RBX1: variants seen among roughly 807,000 people sequenced by gnomAD.
RBX1 encodes ring-box 1, also known as E3 ubiquitin-protein ligase RBX1.
For missense variants in RBX1, 46 were observed against 141.4 expected (o/e 0.33, Z 3.42); for synonymous variants, 48 against 47.9 (o/e 1.00, Z -0.01).
chr22:40,971,842 C>G (rs1267845733), intron 4 of RBX1, among the ~76,000 whole-genome samples: 1 of 152,098 alleles, frequency 6.6e-6, no homozygotes, highest in East Asian at 1.9e-4. Context: ...CAGGAGTGAG[C>G]CACTGCACCC....
At chr22:40,967,742 G>A (rs888076003) in intron 3 of RBX1, 57 bp from the exon 4 acceptor site, 15 of 1,446,336 alleles carry the variant, frequency 1.0e-5, no homozygotes, top group Middle Eastern at 3.6e-4. Context: ...ACCTGTTGTC[G>A]CTCGATGGCT....
chr22:40,957,512 C>T (rs2058328910), intron 2 of RBX1, among the ~76,000 whole-genome samples: 1 of 152,050 alleles, frequency 6.6e-6, no homozygotes, highest in Non-Finnish European at 1.5e-5. Context: ...GTGGCTTATG[C>T]CTGTGGTCCC....
chr22:40,954,046 CA>C (rs1328392777), intron 2 of RBX1, among the ~76,000 whole-genome samples: 1 of 152,076 alleles, frequency 6.6e-6, no homozygotes, highest in Non-Finnish European at 1.5e-5. Flanking sequence ...CCAAGGCGGG[CA>C]GATCATTTGA....
At position 40,959,509 on chromosome 22, in the gene RBX1, T is replaced by C. The variant is rs568154293; in HGVS notation, c.158-4538T>C. Reference sequence around the variant, plus strand: ...ACATTTTTGTTCTTTGTTAGGAATTTTGTAGTAAAGAATGAATCTGGCCGG... The same window carrying C: ...ACATTTTTGTTCTTTGTTAGGAATTCTGTAGTAAAGAATGAATCTGGCCGG... On this transcript the variant is annotated intron_variant, in intron 2 of 4. Transcript: ENST00000216225. Among the ~76,000 whole-genome samples the C allele has an allele frequency of 2.6e-5, 4 of 152,342 alleles. No individual in the cohort carries two copies. In the East Asian group the frequency reaches 7.7e-4, roughly 29 times the overall value.
chr22:40,964,382 G>A (rs904555347), intron 3 of RBX1: 1 of 335,214 alleles, frequency 3.0e-6, no homozygotes, highest in Admixed American at 4.4e-5. Flanking sequence ...TTCATCTATG[G>A]GAATTGCCTT....
rs1375523518 is a variant in RBX1, at chr22:40,951,389, T to C, written c.-10T>C. On this transcript the variant is annotated 5_prime_UTR_variant, in exon 1 of 5. Transcript: ENST00000216225. ...CGCGGTGGTCGGACGACAGACCGTG[T>C]GTTTCCAAAATGGCGGCAGCGATGG... 5.0e-6 allele frequency: 8 copies of C among 1,612,280 alleles called. No homozygotes were observed. The highest frequency in any genetic ancestry group is 6.8e-6 in the Non-Finnish European group (8 of 1,179,092).
intron 2 of RBX1, among the ~76,000 whole-genome samples, chr22:40,957,097 C>T (rs1379559650): frequency 6.6e-6 from 1 of 152,032 alleles, no homozygotes; most frequent in East Asian, 1.9e-4. Flanking sequence ...CCTGTAATCC[C>T]AGCACTTTGG....
chr22:40,954,649 T>A (rs2058320202), intron 2 of RBX1, among the ~76,000 whole-genome samples: 1 of 152,022 alleles, frequency 6.6e-6, no homozygotes, highest in Non-Finnish European at 1.5e-5. Context: ...GAAATGGAAT[T>A]ATAGGAACTT....
intron 2 of RBX1, 142 bp downstream of exon 2, chr22:40,953,775 G>GT (rs1240508563): frequency 9.8e-6 from 6 of 613,832 alleles, no homozygotes; most frequent in African/African-American, 3.7e-5. Flanking sequence ...GTCTGTTGGT[G>GT]TGTTTGAAAT....
At chr22:40,964,224 T>TTGGGAGAAAGGTGGA in intron 3 of RBX1, 107 bp downstream of exon 3, 3 of 799,472 alleles carry the variant, frequency 3.8e-6, no homozygotes, top group Non-Finnish European at 6.4e-6. Context: ...AGTCCACCTT[T>TTGGGAGAAAGGTGGA]CTCCCAAAAG....
At chr22:40,953,507 G>A in intron 1 of RBX1, 48 bp from the exon 2 acceptor site, 1 of 1,214,282 alleles carries the variant, frequency 8.2e-7, no homozygotes, top group Non-Finnish European at 1.2e-6. Flanking sequence ...AAGAGTATGT[G>A]TGTGTGTTAC....
At position 40,951,404 on chromosome 22, in the gene RBX1, G is replaced by C; in HGVS notation, c.6G>C (p.Ala2=). The C allele has an allele frequency of 6.2e-7, 1 of 1,612,756 alleles. No individual in the cohort carries two copies. Among genetic ancestry groups the C allele is most frequent in the Non-Finnish European group, 8.5e-7 (1 of 1,179,238 alleles). Residue 2 remains alanine, a synonymous_variant, in exon 1 of 5, where the codon GCG becomes GCC. Coordinates refer to ENST00000216225, the MANE Select transcript of RBX1 (RefSeq NM_014248.4). M[A]AAMDVDTPSG... Reference sequence around the variant, plus strand: ...ACAGACCGTGTGTTTCCAAAATGGCGGCAGCGATGGATGTGGATACCCCGA... The same window carrying C: ...ACAGACCGTGTGTTTCCAAAATGGCCGCAGCGATGGATGTGGATACCCCGA...
intron 4 of RBX1, among the ~76,000 whole-genome samples, chr22:40,971,973 T>A (rs866131257): frequency 3.3e-5 from 5 of 152,028 alleles, no homozygotes; most frequent in African/African-American, 1.2e-4. Flanking sequence ...GTAATCAGAG[T>A]TGTAATTGGA....
intron 1 of RBX1, 133 bp downstream of exon 1, chr22:40,951,609 A>C (rs1385325749): frequency 4.1e-5 from 33 of 803,310 alleles, no homozygotes; most frequent in Non-Finnish European, 6.2e-5. Flanking sequence ...CCACGAAAGG[A>C]AGCCGGGGGG....
Position 40,964,939 on chromosome 22 carries a change from G to A in RBX1, c.228+822G>A, listed in dbSNP as rs559512522. On this transcript the variant is annotated intron_variant, in intron 3 of 4. Transcript: ENST00000216225. ...AGTGGACCACATAAAATTGTAATCC[G>A]GATTAGATGATTTATGTTAAAATGT... 5.3e-5 allele frequency among the ~76,000 whole-genome samples: 8 copies of A among 152,236 alleles called. No individual in the cohort carries two copies. In the South Asian group the frequency reaches 6.2e-4, roughly 12 times the overall value.
rs34618218 is a variant in RBX1, at chr22:40,952,983, C to CTTTTTT, written c.79-552_79-547dup. Among the ~76,000 whole-genome samples the CTTTTTT allele has an allele frequency of 2.1e-3, 184 of 86,852 alleles. 1 individual carries two copies. The highest frequency in any genetic ancestry group is 3.4e-3 in the East Asian group (8 of 2,324). 57.0% of individuals were successfully genotyped at this position (86,852 alleles called of 152,430 possible). On this transcript the variant is annotated intron_variant, in intron 1 of 4. Transcript: ENST00000216225. ...CTGCACAGAAATTCAAGTTTGTGCC[C>CTTTTTT]TTTTTTTTTTTTTTTTTTTTTTTTT... is the stretch of plus-strand genomic sequence containing the variant.
chr22:40,961,346 A>C (rs371821612), intron 2 of RBX1, among the ~76,000 whole-genome samples: 2 of 151,866 alleles, frequency 1.3e-5, no homozygotes, highest in East Asian at 3.9e-4. Flanking sequence ...TGGCCTCCCA[A>C]AGTGCTGGGA....
chr22:40,963,724 C>G (rs534408647), intron 2 of RBX1, among the ~76,000 whole-genome samples: 29 of 152,068 alleles, frequency 1.9e-4, no homozygotes, highest in Non-Finnish European at 1.5e-5. Context: ...TGGCACGCAC[C>G]TGTAGTCCCA....
chr22:40,967,652 C>G, intron 3 of RBX1, 147 bp from the exon 4 acceptor site: 1 of 578,630 alleles, frequency 1.7e-6, no homozygotes, highest in South Asian at 2.2e-5. Flanking sequence ...AAGATATAAT[C>G]AGTTGTTGAA....
Sources: allele counts gnomAD v4.1 joint callset (sites outside exome capture counted in the v4.1 genomes callset), GRCh38; gene constraint gnomAD v4.1.1; transcripts MANE v1.5; gene names NCBI Gene and HGNC (gene_info 2026-07-23, HGNC 2026-07-21).